The following PARD3B variants were observed in gnomAD, a reference collection of about 807,000 sequenced individuals.
The protein encoded by PARD3B is par-3 family cell polarity regulator beta, also known as partitioning defective 3 homolog B.
A neutral mutation model predicts 130.2 loss-of-function variants in PARD3B; 103 were observed. The ratio of observed to expected loss-of-function variants is 0.79; its 90% CI spans 0.67 to 0.93. The LOEUF is 0.93. Among genes scored for constraint, PARD3B ranks in the 40% least tolerant of loss-of-function variants. PARD3B has a pLI of 0.00. For synonymous variants in PARD3B, 583 were observed against 553.2 expected, an observed-to-expected ratio of 1.05 and a Z score of -0.76; for missense variants, 1,609 against 1,499.2, an observed-to-expected ratio of 1.07 and a Z score of -1.21.
At chr2:205,059,088 T>C (rs1699910586) in intron 4 of PARD3B, among the ~76,000 whole-genome samples, 1 of 152,010 alleles carries the variant, frequency 6.6e-6, no homozygotes, top group African/African-American at 2.4e-5. Context: ...CTTCGATTTA[T>C]TTTGAGTTAA....
intron 3 of PARD3B, among the ~76,000 whole-genome samples, chr2:205,000,022 T>G (rs986604529): frequency 2.0e-5 from 3 of 152,066 alleles, no homozygotes; most frequent in African/African-American, 7.2e-5. Context: ...TCACAGGGTT[T>G]TTTTTTTTTT....
intron 2 of PARD3B, among the ~76,000 whole-genome samples, chr2:204,688,828 C>T (rs1050868190): frequency 5.9e-5 from 9 of 152,046 alleles, no homozygotes; most frequent in African/African-American, 2.2e-4. Context: ...AATAACAGTT[C>T]ACCTGTTTGC....
At chr2:205,006,827 C>CTTAT (rs1273226252) in intron 3 of PARD3B, among the ~76,000 whole-genome samples, 2 of 151,944 alleles carry the variant, frequency 1.3e-5, no homozygotes, top group South Asian at 4.2e-4. Context: ...TTAGGTCCCA[C>CTTAT]TTATTTATTT....
chr2:205,396,623 G>A (rs1400774000), intron 18 of PARD3B, among the ~76,000 whole-genome samples: 4 of 152,098 alleles, frequency 2.6e-5, no homozygotes, highest in Admixed American at 6.6e-5. Context: ...GGCTTCCCAG[G>A]TACATGTAAA....
intron 18 of PARD3B, among the ~76,000 whole-genome samples, chr2:205,381,937 A>G (rs1342440429): frequency 6.6e-6 from 1 of 152,042 alleles, no homozygotes; most frequent in South Asian, 2.1e-4. Context: ...TTGTTGTTTA[A>G]AACTTTTTCA....
chr2:205,142,869 CTT>C lies in PARD3B; in HGVS notation c.1435-15852_1435-15851del, dbSNP rs2033076198. The stretch of plus-strand genomic sequence containing the variant: ...CTCCAGCCTGGGTGACAGGATGAGA[CTT>C]CGGTCTCAAAAAATAAATAAATAAA... On this transcript the variant is annotated intron_variant, in intron 10 of 22. Transcript: ENST00000406610. This position sits in a 1 kb window ranked among gnomAD's most constrained non-coding sequence, Gnocchi z 4.3. 8.6e-6 allele frequency among the ~76,000 whole-genome samples: 1 copy of C among 116,280 alleles called. No homozygotes were observed. Among genetic ancestry groups the C allele is most frequent in the Non-Finnish European group, 2.0e-5 (1 of 50,164 alleles). The allele number at this position is 116,280 out of a possible 152,430, so 76.3% of individuals were successfully genotyped here. A position where few individuals can be genotyped will look rare whatever the true frequency, so the allele number is the denominator to read the frequency against.
intron 2 of PARD3B, among the ~76,000 whole-genome samples, chr2:204,746,324 T>C (rs1303033226): frequency 6.6e-6 from 1 of 152,078 alleles, no homozygotes; most frequent in African/African-American, 2.4e-5. Flanking sequence ...TCATTTTTTA[T>C]GGCTGCATAG....
chr2:204,842,411 G>T (rs1176259858), intron 2 of PARD3B, among the ~76,000 whole-genome samples: 1 of 151,870 alleles, frequency 6.6e-6, no homozygotes, highest in African/African-American at 2.4e-5. Flanking sequence ...GAATAATATT[G>T]TTTTTTTCAA....
At chr2:204,717,639 G>A (rs2038791594) in intron 2 of PARD3B, among the ~76,000 whole-genome samples, 1 of 152,182 alleles carries the variant, frequency 6.6e-6, no homozygotes, top group African/African-American at 2.4e-5. Flanking sequence ...TGAGCAGTGA[G>A]AACTGCAGTG....
At position 204,844,447 on chromosome 2, in the gene PARD3B, T is replaced by A. The variant is rs373018166; in HGVS notation, c.223-120705T>A. The stretch of plus-strand genomic sequence containing the variant: ...AAGTTATAATATTTTAATTTGTAAT[T>A]TCAATGAGCTATAAAGGAATGTTTA... On this transcript the variant is annotated intron_variant, in intron 2 of 22. Coordinates refer to ENST00000406610, the MANE Select transcript of PARD3B (RefSeq NM_001302769.2). Among the ~76,000 whole-genome samples, 71 of 152,268 alleles carry A rather than the reference T, an allele frequency of 4.7e-4. 1 individual carries two copies. The South Asian group carries it at 0.014, about 31-fold the overall frequency.
Position 205,558,056 on chromosome 2 carries a change from T to C in PARD3B, c.3260+4653T>C, listed in dbSNP as rs980400235. Among the ~76,000 whole-genome samples the C allele has an allele frequency of 2.0e-5, 3 of 152,202 alleles. No homozygotes were observed. The highest frequency in any genetic ancestry group is 2.0e-4 in the Admixed American group (3 of 15,292). ...ACTCAGGAAAGACCAGTGGTCTGGA[T>C]GGTCAAGTGCAAGAGAACATAGCAA... On this transcript the variant is annotated intron_variant, in intron 22 of 22. Coordinates refer to ENST00000406610, the MANE Select transcript of PARD3B (RefSeq NM_001302769.2). The surrounding 1 kb of genome is among the most constrained non-coding windows in gnomAD (Gnocchi z 4.8).
At chr2:204,974,515 G>C (rs1011721286) in intron 3 of PARD3B, among the ~76,000 whole-genome samples, 40 of 152,160 alleles carry the variant, frequency 2.6e-4, no homozygotes, top group African/African-American at 9.4e-4. Context: ...ACATGGCATA[G>C]ATAGCAACAA....
intron 2 of PARD3B, among the ~76,000 whole-genome samples, chr2:204,773,361 T>A (rs907200905): frequency 6.6e-6 from 1 of 151,940 alleles, no homozygotes; most frequent in African/African-American, 2.4e-5. Context: ...TATATTGTTT[T>A]TGCAATATAT....
intron 2 of PARD3B, among the ~76,000 whole-genome samples, chr2:204,736,238 A>T (rs1028186539): frequency 6.6e-6 from 1 of 152,116 alleles, no homozygotes; most frequent in Non-Finnish European, 1.5e-5. Context: ...AAAATGCATT[A>T]GTTAAAACAA....
At chr2:205,168,718 G>T (rs2125739079) in intron 11 of PARD3B, among the ~76,000 whole-genome samples, 1 of 142,912 alleles carries the variant, frequency 7.0e-6, no homozygotes, top group South Asian at 2.2e-4. Flanking sequence ...ACAGTTTCCT[G>T]TCTCCATATC....
intron 3 of PARD3B, among the ~76,000 whole-genome samples, chr2:204,968,888 T>A (rs923867519): frequency 6.6e-6 from 1 of 152,254 alleles, no homozygotes; most frequent in African/African-American, 2.4e-5. Flanking sequence ...AAGATGAGTT[T>A]TAAATCAAGT....
At chr2:204,763,275 A>G (rs1014019002) in intron 2 of PARD3B, among the ~76,000 whole-genome samples, 2 of 152,224 alleles carry the variant, frequency 1.3e-5, no homozygotes, top group East Asian at 1.9e-4. Context: ...CAAAGGCAGT[A>G]TATCTGCTAC....
chr2:204,921,148 C>T (rs981160734), intron 2 of PARD3B, among the ~76,000 whole-genome samples: 1 of 152,146 alleles, frequency 6.6e-6, no homozygotes, highest in Non-Finnish European at 1.5e-5. Context: ...TCTTTACAAA[C>T]CTGAGACTAT....
At chr2:204,965,676 G>A (rs900753666) in intron 3 of PARD3B, among the ~76,000 whole-genome samples, 70 of 152,146 alleles carry the variant, frequency 4.6e-4, no homozygotes, top group African/African-American at 1.5e-3. Context: ...ATCCATGCTA[G>A]AAATAAAGGT....
Sources: gnomAD v4.1 joint callset for allele counts (sites outside exome capture counted in the v4.1 genomes callset) on GRCh38, gnomAD v4.1.1 for gene constraint, Gnocchi (gnomAD v3.1) non-coding constraint, MANE v1.5 for transcripts, NCBI Gene and HGNC (gene_info 2026-07-23, HGNC 2026-07-21) for gene names.